RSPH10B: variants seen among roughly 807,000 people sequenced by gnomAD.
RSPH10B encodes radial spoke head 10 homolog B, also known as radial spoke head 10 homolog B (Chlamydomonas).
A neutral mutation model predicts 52.5 loss-of-function variants in RSPH10B; 7 were observed. The observed-to-expected ratio is 0.13, with a 90% CI of 0.08 to 0.25. The LOEUF (loss-of-function observed/expected upper bound fraction) is 0.25, where lower values mean the gene tolerates loss of function less well. RSPH10B is among the 10% of genes least tolerant of loss of function. The pLI is 1.00. For missense variants in RSPH10B, 89 were observed against 542.5 expected (o/e 0.16, Z 8.30); for synonymous variants, 28 against 193.2 (o/e 0.14, Z 7.09).
At chr7:5,965,884 A>G (rs79967525) in intron 1 of RSPH10B, among the ~76,000 whole-genome samples, 172 bp from the exon 4 acceptor site, 26,836 of 115,432 alleles carry the variant, frequency 0.23, 3,816 homozygotes, top group East Asian at 0.35. Flanking sequence ...GGGGTTTGAA[A>G]GTAGGGTGAG....
At position 5,927,045 on chromosome 7, in the gene RSPH10B, G is replaced by GTGTATA. The variant is rs71762251; in HGVS notation, c.2433-498_2433-497insTATACA. On this transcript the variant is annotated intron_variant, in intron 18 of 18. Coordinates refer to ENST00000337579, the Ensembl canonical transcript of RSPH10B. ...TACGTGTGTGTGTGTGTGTGTGTGT[G>GTGTATA]TATTATGTGTGTGTGTGTGTGTATA... Among the ~76,000 whole-genome samples, 8 of 122,960 alleles carry GTGTATA rather than the reference G, an allele frequency of 6.5e-5. 1 individual carries two copies. Among genetic ancestry groups the GTGTATA allele is most frequent in the African/African-American group, 1.1e-4 (4 of 34,986 alleles). 80.7% of individuals were successfully genotyped at this position (122,960 alleles called of 152,430 possible). A position where few individuals can be genotyped will look rare whatever the true frequency, so the allele number is the denominator to read the frequency against.
intron 17 of RSPH10B, among the ~76,000 whole-genome samples, chr7:5,931,542 A>G (rs948903854): frequency 6.6e-6 from 1 of 151,378 alleles, no homozygotes; most frequent in African/African-American, 2.4e-5. Context: ...CCTGGGCAAC[A>G]TAGCAAGACC....
chr7:5,926,731 A>AACTTCTCATCTATCTATG (rs1392379062), intron 18 of RSPH10B, among the ~76,000 whole-genome samples, 183 bp from the exon 21 acceptor site: 13 of 140,376 alleles, frequency 9.3e-5, no homozygotes, highest in South Asian at 8.9e-4. Context: ...GTCCAAAATA[A>AACTTCTCATCTATCTATG]ACTTCTCATC....
chr7:5,966,395 T>C, intron 1 of RSPH10B, among the ~76,000 whole-genome samples: 1 of 118,366 alleles, frequency 8.4e-6, no homozygotes. Context: ...ATTTGGGTGA[T>C]GGGCTTACTT....
chr7:5,950,108 T>TCC (rs1780532929), intron 9 of RSPH10B, among the ~76,000 whole-genome samples: 1 of 135,864 alleles, frequency 7.4e-6, no homozygotes, highest in African/African-American at 2.7e-5. Flanking sequence ...ATTCACAGAC[T>TCC]GAGGAAGAAC....
intron 13 of RSPH10B, among the ~76,000 whole-genome samples, chr7:5,940,190 G>A (rs1006943752): frequency 1.6e-5 from 1 of 62,694 alleles, no homozygotes; most frequent in Non-Finnish European, 3.8e-5. Context: ...GAGCAAGACT[G>A]TCTCAAAATA....
At chr7:5,931,842 T>C (rs1216444313) in intron 17 of RSPH10B, among the ~76,000 whole-genome samples, 1 of 150,616 alleles carries the variant, frequency 6.6e-6, no homozygotes, top group Non-Finnish European at 1.5e-5. Flanking sequence ...CTACTAAAAA[T>C]ACAAGGTGCA....
intron 4 of RSPH10B, 50 bp from the exon 7 acceptor site, chr7:5,959,128 TG>T (rs1780843230): frequency 9.7e-7 from 1 of 1,027,464 alleles, no homozygotes; most frequent in Non-Finnish European, 1.5e-6. Context: ...ATGACACAAA[TG>T]CTTTGTCAAA....
At chr7:5,961,242 CT>C (rs1169795378) in intron 3 of RSPH10B, among the ~76,000 whole-genome samples, 3 of 139,312 alleles carry the variant, frequency 2.2e-5, no homozygotes, top group African/African-American at 7.8e-5. Context: ...AATCACAGCA[CT>C]TTGGGAGACT....
chr7:5,943,111 T>C (rs78373639), intron 13 of RSPH10B: 8 of 1,069,172 alleles, frequency 7.5e-6, no homozygotes, highest in South Asian at 3.2e-5. Context: ...CCTAATCTGT[T>C]AGCATATTGG....
chr7:5,942,579 C>T (rs1780251326), intron 13 of RSPH10B, among the ~76,000 whole-genome samples: 1 of 143,428 alleles, frequency 7.0e-6, no homozygotes, highest in African/African-American at 2.6e-5. Flanking sequence ...TATTGTAGGC[C>T]AGTCAGGCAC....
intron 17 of RSPH10B, among the ~76,000 whole-genome samples, chr7:5,929,136 C>T (rs1442832764): frequency 6.8e-6 from 1 of 146,124 alleles, no homozygotes; most frequent in Non-Finnish European, 1.5e-5. Flanking sequence ...CTCAGCCTCC[C>T]TAATAGCTGA....
At chr7:5,968,173 G>A (rs199765633), upstream of RSPH10B, among the ~76,000 whole-genome samples, 17,099 of 143,642 alleles carry the variant, frequency 0.12, no homozygotes, top group Admixed American at 0.21. Context: ...GGTGGATCAC[G>A]AGGTCAGGAG....
chr7:5,931,584 G>A (rs1337946905), intron 17 of RSPH10B, among the ~76,000 whole-genome samples: 1 of 151,164 alleles, frequency 6.6e-6, no homozygotes, highest in African/African-American at 2.4e-5. Context: ...ACCAGGCGCG[G>A]TTGGGCTCAT....
At chr7:5,927,078 G>A (rs200908453) in intron 18 of RSPH10B, among the ~76,000 whole-genome samples, 9,901 of 126,494 alleles carry the variant, frequency 0.078, 224 homozygotes, top group East Asian at 0.31. Context: ...ATATGTGTGT[G>A]TGTGTGTGTG....
intron 18 of RSPH10B, among the ~76,000 whole-genome samples, chr7:5,927,668 ACT>A (rs1779573512): frequency 6.8e-6 from 1 of 146,112 alleles, no homozygotes; most frequent in Non-Finnish European, 1.5e-5. Flanking sequence ...GCATGCAGTG[ACT>A]CACCCCTGTG....
At chr7:5,941,062 G>A (rs1329717451) in intron 13 of RSPH10B, among the ~76,000 whole-genome samples, 2 of 64,490 alleles carry the variant, frequency 3.1e-5, no homozygotes, top group South Asian at 4.7e-4. Context: ...AGCACTTCAG[G>A]AGGCCGAGGC....
intron 18 of RSPH10B, among the ~76,000 whole-genome samples, chr7:5,927,062 G>GTATA (rs1562553198): frequency 4.3e-5 from 4 of 92,522 alleles, no homozygotes; most frequent in African/African-American, 1.4e-4. Context: ...GTGTGTGTGT[G>GTATA]TGTGTATATG....
chr7:5,928,440 T>C (rs1779636406), intron 17 of RSPH10B, 46 bp from the exon 20 acceptor site: 1 of 1,586,084 alleles, frequency 6.3e-7, no homozygotes, highest in Admixed American at 1.7e-5. Context: ...AATCCTGCTG[T>C]CAATTGGGGG....
Sources: allele counts gnomAD v4.1 joint callset (sites outside exome capture counted in the v4.1 genomes callset), GRCh38; gene constraint gnomAD v4.1.1; transcripts MANE v1.5; gene names NCBI Gene and HGNC (gene_info 2026-07-23, HGNC 2026-07-21).